The following TMOD3 variants were observed in gnomAD, a reference collection of about 807,000 sequenced individuals.
The protein encoded by TMOD3 is tropomodulin 3.
TMOD3 carries 20 observed loss-of-function variants against 39.2 expected under a neutral mutation model. The ratio of observed to expected loss-of-function variants is 0.51; its 90% CI spans 0.36 to 0.74. The LOEUF is 0.74. Ranked by LOEUF, TMOD3 falls within the 30% of genes least tolerant of loss-of-function variation. The pLI, the probability that TMOD3 is intolerant of heterozygous loss-of-function variation, is 0.00. For synonymous variants in TMOD3, 143 were observed against 145.8 expected, an observed-to-expected ratio of 0.98 and a Z score of 0.14; for missense variants, 381 against 412.8, an observed-to-expected ratio of 0.92 and a Z score of 0.67.
chr15:51,888,431 A>G (rs1344334180), intron 4 of TMOD3, among the ~76,000 whole-genome samples: 1 of 152,240 alleles, frequency 6.6e-6, no homozygotes, highest in Non-Finnish European at 1.5e-5. Context: ...CTGAAGACTG[A>G]CAGATCTGTA....
intron 1 of TMOD3, chr15:51,859,787 GT>G: frequency 2.0e-6 from 1 of 504,488 alleles, no homozygotes; most frequent in Non-Finnish European, 4.0e-6. Context: ...TCTATAAACA[GT>G]TCAGTCCCAG....
chr15:51,887,440 T>G, intron 3 of TMOD3, 149 bp from the exon 4 acceptor site: 1 of 853,084 alleles, frequency 1.2e-6, no homozygotes. Context: ...CGCTGGAAAC[T>G]TAAAAATCTA....
chr15:51,851,772 A>G (rs2056363198), intron 1 of TMOD3, among the ~76,000 whole-genome samples: 2 of 152,172 alleles, frequency 1.3e-5, no homozygotes, highest in Admixed American at 6.5e-5. Flanking sequence ...TTTATCCCCT[A>G]CAGCCAACCG....
Position 51,880,884 on chromosome 15 carries a change from T to G in TMOD3, c.284-6705T>G, listed in dbSNP as rs1342559189. Among the ~76,000 whole-genome samples, 2 of 152,210 alleles carry G rather than the reference T, an allele frequency of 1.3e-5. 1 individual carries two copies. Among genetic ancestry groups the G allele is most frequent in the Non-Finnish European group, 2.9e-5 (2 of 68,042 alleles). ...ATAAGGTAACTATTTTTTAACAAAT[T>G]GAGAAACTGCCAAACTTTTCCAAAG... On this transcript the variant is annotated intron_variant, in intron 3 of 9. Transcript: ENST00000308580.
intron 3 of TMOD3, among the ~76,000 whole-genome samples, chr15:51,885,014 C>T (rs2056552627): frequency 6.6e-6 from 1 of 152,242 alleles, no homozygotes; most frequent in African/African-American, 2.4e-5. Context: ...AGCATCTACA[C>T]TTTAATTAGA....
chr15:51,904,244 A>G (rs534983544), intron 9 of TMOD3, among the ~76,000 whole-genome samples: 1 of 152,286 alleles, frequency 6.6e-6, no homozygotes, highest in African/African-American at 2.4e-5. Context: ...CATTTTTTAA[A>G]TTGCCTTTTA....
intron 1 of TMOD3, among the ~76,000 whole-genome samples, chr15:51,844,530 C>T (rs908992452): frequency 5.9e-5 from 9 of 152,048 alleles, no homozygotes; most frequent in Non-Finnish European, 8.8e-5. Flanking sequence ...GTACTGTTCT[C>T]CTCTTGAGAG....
intron 1 of TMOD3, among the ~76,000 whole-genome samples, chr15:51,857,836 T>C (rs1026570039): frequency 1.3e-5 from 2 of 152,174 alleles, no homozygotes; most frequent in Non-Finnish European, 2.9e-5. Context: ...TACCCTTATC[T>C]GTCTGAAATA....
At chr15:51,832,559 TGG>T (rs1567257870) in intron 1 of TMOD3, among the ~76,000 whole-genome samples, 369 of 152,090 alleles carry the variant, frequency 2.4e-3, no homozygotes, top group African/African-American at 8.5e-3. Context: ...GAACCGGATG[TGG>T]TGGCACGCTT....
intron 1 of TMOD3, among the ~76,000 whole-genome samples, chr15:51,858,561 T>TA (rs1457398358): frequency 6.6e-6 from 1 of 152,178 alleles, no homozygotes; most frequent in African/African-American, 2.4e-5. Context: ...ATTCTGTTCA[T>TA]TTGCTTGTGT....
intron 1 of TMOD3, among the ~76,000 whole-genome samples, chr15:51,854,486 T>G (rs1361063259): frequency 6.6e-6 from 1 of 152,170 alleles, no homozygotes; most frequent in African/African-American, 2.4e-5. Context: ...GAAATGGTGG[T>G]GAAATGGAGG....
chr15:51,912,422 C>T lies in TMOD3; in HGVS notation c.*3612C>T, dbSNP rs1185871956. 4.4e-5 allele frequency: 6 copies of T among 136,616 alleles called. No homozygotes were observed. The highest frequency in any genetic ancestry group is 2.6e-4 in the South Asian group (1 of 3,886). 8.5% of individuals were successfully genotyped at this position (136,616 alleles called of 1,614,324 possible). The stretch of plus-strand genomic sequence containing the variant: ...AGCATGGGCAACAAGAGTGAAACTC[C>T]GTCTCAAAAAAAAAAAAATTTTTTT... On this transcript the variant is annotated 3_prime_UTR_variant, in exon 10 of 10. Transcript: ENST00000308580.
At chr15:51,849,892 C>A (rs1435679774) in intron 1 of TMOD3, among the ~76,000 whole-genome samples, 2 of 151,790 alleles carry the variant, frequency 1.3e-5, no homozygotes, top group South Asian at 4.1e-4. Flanking sequence ...CGAGATCACA[C>A]CACTGCATGT....
rs998510643 is a variant in TMOD3, at chr15:51,911,106, A to T, written c.*2296A>T. The T allele has an allele frequency of 1.3e-5, 2 of 152,184 alleles. No homozygotes were observed. The highest frequency in any genetic ancestry group is 2.9e-5 in the Non-Finnish European group (2 of 68,052). The allele number at this position is 152,184 out of a possible 1,614,324, so 9.4% of individuals were successfully genotyped here. On this transcript the variant is annotated 3_prime_UTR_variant, in exon 10 of 10. Transcript: ENST00000308580. ...CAGGCATCTCAGGCTACCAGAAAGAATTGGTCACCTAGACTTTCAGTCAGG... is the reference window on the plus strand; with the variant it reads ...CAGGCATCTCAGGCTACCAGAAAGATTTGGTCACCTAGACTTTCAGTCAGG...
intron 1 of TMOD3, chr15:51,859,368 A>C: frequency 1.4e-6 from 1 of 698,466 alleles, no homozygotes; most frequent in South Asian, 1.4e-5. Flanking sequence ...AAACTCTCTC[A>C]AAGCCCTCTC....
chr15:51,871,775 A>G (rs1021657061), intron 3 of TMOD3, among the ~76,000 whole-genome samples: 1 of 151,440 alleles, frequency 6.6e-6, no homozygotes, highest in African/African-American at 2.5e-5. Flanking sequence ...ATGGTAGAAT[A>G]TCTTTGTCCT....
At position 51,909,832 on chromosome 15, in the gene TMOD3, C is replaced by T. The variant is rs1438126764; in HGVS notation, c.*1022C>T. The T allele has an allele frequency of 2.0e-5, 3 of 152,194 alleles. No individual in the cohort carries two copies. The highest frequency in any genetic ancestry group is 4.4e-5 in the Non-Finnish European group (3 of 68,038). 9.4% of individuals were successfully genotyped at this position (152,194 alleles called of 1,614,324 possible). On this transcript the variant is annotated 3_prime_UTR_variant, in exon 10 of 10. Transcript: ENST00000308580. ...AGTTCCTATGTGCAGTGCAGAATTG[C>T]ATAAACAGTATTTAATCACTGCTAC...
rs1031967933 is a variant in TMOD3 at position 51,913,598 on chromosome 15, TATTA to T, written c.*4792_*4795del. 1 of 152,244 alleles carries T rather than the reference TATTA, an allele frequency of 6.6e-6. No individual in the cohort carries two copies. Among genetic ancestry groups the T allele is most frequent in the Non-Finnish European group, 1.5e-5 (1 of 68,042 alleles). The allele number at this position is 152,244 out of a possible 1,614,324, so 9.4% of individuals were successfully genotyped here. Reference sequence around the variant, plus strand: ...AGAAATTTGATAATAAAACATATTTTATTAATTTTAAACTCTATCTTGCAGTCTG... The same window carrying T: ...AGAAATTTGATAATAAAACATATTTTATTTTAAACTCTATCTTGCAGTCTG... On this transcript the variant is annotated 3_prime_UTR_variant, in exon 10 of 10. Transcript: ENST00000308580.
intron 5 of TMOD3, among the ~76,000 whole-genome samples, chr15:51,891,703 T>C (rs2056594307): frequency 6.6e-6 from 1 of 150,764 alleles, no homozygotes; most frequent in Admixed American, 6.8e-5. Flanking sequence ...AGAAATCTTT[T>C]GGTTTTATAA....
Sources: allele counts gnomAD v4.1 joint callset (sites outside exome capture counted in the v4.1 genomes callset), GRCh38; gene constraint gnomAD v4.1.1; transcripts MANE v1.5; gene names NCBI Gene and HGNC (gene_info 2026-07-23, HGNC 2026-07-21).